The following CHRM2 variants were observed in gnomAD, a reference collection of about 807,000 sequenced individuals.
The protein encoded by CHRM2 is cholinergic receptor muscarinic 2, also known as muscarinic acetylcholine receptor M2.
In CHRM2, 8 loss-of-function variants were observed where a neutral mutation model predicts 25.0. The observed-to-expected ratio is 0.32, with a 90% CI of 0.19 to 0.58. The LOEUF is 0.58. CHRM2 is among the 20% of genes least tolerant of loss of function. The probability of loss-of-function intolerance (pLI) is 0.88; values close to 1 mark genes in which losing one functional copy is unlikely to be tolerated. For missense variants in CHRM2, 440 were observed against 567.1 expected (o/e 0.78, Z 2.28); for synonymous variants, 202 against 205.7 (o/e 0.98, Z 0.15).
chr7:137,010,565 T>C, intron 3 of CHRM2, among the ~76,000 whole-genome samples: 1 of 152,052 alleles, frequency 6.6e-6, no homozygotes. Context: ...AACTGCTTTC[T>C]TCAGCGGAAG....
rs140605746 is a variant in CHRM2, at chr7:136,872,794, C to T, written c.-125+3376C>T. On this transcript the variant is annotated intron_variant, in intron 2 of 3. Transcript: ENST00000680005. ...AATTAGAACAAAAGGGAAATGAAGA[C>T]GGAATGGGAGAGAGAAAAATGAGGA... Among the ~76,000 whole-genome samples, 251 of 152,172 alleles carry T rather than the reference C, an allele frequency of 1.6e-3. 1 individual carries two copies. The highest frequency in any genetic ancestry group is 5.4e-3 in the South Asian group (26 of 4,806).
intron 3 of CHRM2, among the ~76,000 whole-genome samples, chr7:136,992,788 A>G (rs1283902481): frequency 1.3e-5 from 2 of 152,150 alleles, no homozygotes; most frequent in Admixed American, 6.6e-5. Context: ...GAATCATGAA[A>G]CTATGAGAAC....
intron 2 of CHRM2, among the ~76,000 whole-genome samples, chr7:136,927,767 T>C (rs1416557963): frequency 6.6e-6 from 1 of 152,176 alleles, no homozygotes; most frequent in Admixed American, 6.5e-5. Context: ...TATACCTTCA[T>C]TATTTTCATC....
intron 3 of CHRM2, among the ~76,000 whole-genome samples, chr7:136,993,102 G>T (rs1281072332): frequency 6.6e-6 from 1 of 152,180 alleles, no homozygotes; most frequent in African/African-American, 2.4e-5. Flanking sequence ...AAGTCATACA[G>T]TCATGATAGA....
chr7:136,970,390 C>T (rs757721435), intron 2 of CHRM2, among the ~76,000 whole-genome samples: 17 of 152,098 alleles, frequency 1.1e-4, no homozygotes, highest in African/African-American at 3.4e-4. Flanking sequence ...AAGATATACC[C>T]GTCCAATTTA....
intron 2 of CHRM2, among the ~76,000 whole-genome samples, chr7:136,923,855 T>C (rs1798587678): frequency 6.6e-6 from 1 of 152,092 alleles, no homozygotes; most frequent in South Asian, 2.1e-4. Flanking sequence ...ACAAAATTTT[T>C]ATTTTAATTA....
chr7:136,881,085 G>A (rs559047950), intron 2 of CHRM2, among the ~76,000 whole-genome samples: 6 of 149,364 alleles, frequency 4.0e-5, no homozygotes, highest in East Asian at 2.0e-4. Context: ...AGCGTCATAC[G>A]AAGTATTTCC....
chr7:136,976,792 C>T (rs1802132856), intron 2 of CHRM2, among the ~76,000 whole-genome samples: 1 of 152,164 alleles, frequency 6.6e-6, no homozygotes, highest in Non-Finnish European at 1.5e-5. Context: ...GAAACTCTTA[C>T]TCCCTGCTGC....
intron 2 of CHRM2, among the ~76,000 whole-genome samples, chr7:136,924,128 C>T (rs530898669): frequency 3.7e-4 from 56 of 151,834 alleles, no homozygotes; most frequent in Non-Finnish European, 8.2e-4. Flanking sequence ...TCTGTTCACC[C>T]AAATACATAT....
At position 137,019,006 on chromosome 7, in the gene CHRM2, T is replaced by C. The variant is rs1805311645; in HGVS notation, c.*2740T>C. 6.6e-6 allele frequency: 1 copy of C among 151,916 alleles called. No individual in the cohort carries two copies. Among genetic ancestry groups the C allele is most frequent in the South Asian group, 2.1e-4 (1 of 4,834 alleles). The allele number at this position is 151,916 out of a possible 1,614,324, so 9.4% of individuals were successfully genotyped here. ...CACACTGGGAGGAATGCTATTGGTATCTAGTGCATAGAGGCTGGGAATGCT... is the reference window on the plus strand; with the variant it reads ...CACACTGGGAGGAATGCTATTGGTACCTAGTGCATAGAGGCTGGGAATGCT... On this transcript the variant is annotated 3_prime_UTR_variant, in exon 4 of 4. Transcript: ENST00000680005.
At chr7:136,915,318 G>A (rs763116081) in intron 2 of CHRM2, among the ~76,000 whole-genome samples, 1 of 151,672 alleles carries the variant, frequency 6.6e-6, no homozygotes, top group Non-Finnish European at 1.5e-5. Flanking sequence ...ATTAATTAAG[G>A]CTGTGCATGC....
intron 2 of CHRM2, among the ~76,000 whole-genome samples, chr7:136,949,459 T>TAAAA (rs386411435): frequency 0.037 from 4,485 of 120,760 alleles, 173 homozygotes; most frequent in Non-Finnish European, 0.052. Flanking sequence ...TCTGCAAAAC[T>TAAAA]AAAAAAAAAA....
intron 2 of CHRM2, chr7:136,914,195 A>T (rs1315995283): frequency 6.6e-6 from 1 of 151,692 alleles, no homozygotes; most frequent in African/African-American, 2.4e-5. Flanking sequence ...AGTCTGTGCA[A>T]TTTTTCTCAA....
At chr7:136,984,286 C>A (rs1802690462) in intron 2 of CHRM2, among the ~76,000 whole-genome samples, 1 of 152,140 alleles carries the variant, frequency 6.6e-6, no homozygotes, top group Admixed American at 6.5e-5. Flanking sequence ...GGATGCCCCT[C>A]CCCCCACCAA....
At chr7:136,989,158 T>C (rs1584884954) in intron 2 of CHRM2, among the ~76,000 whole-genome samples, 1 of 152,228 alleles carries the variant, frequency 6.6e-6, no homozygotes, top group African/African-American at 2.4e-5. Context: ...CACAATGATA[T>C]ATTGATCCAT....
At chr7:136,989,095 C>T (rs527776496) in intron 2 of CHRM2, among the ~76,000 whole-genome samples, 1 of 152,074 alleles carries the variant, frequency 6.6e-6, no homozygotes, top group East Asian at 1.9e-4. Flanking sequence ...TCAAAAGTGA[C>T]AGAACCAGGG....
rs563314621 is a variant in CHRM2 at position 137,007,801 on chromosome 7, C to A, written c.-46-7019C>A. Among the ~76,000 whole-genome samples, 337 of 152,158 alleles carry A rather than the reference C, an allele frequency of 2.2e-3. 2 individuals are homozygous for A. The highest frequency in any genetic ancestry group is 0.016 in the South Asian group (79 of 4,824). The stretch of plus-strand genomic sequence containing the variant: ...ATGCTATCACCATCTGCATCAATAT[C>A]AAAACTGTGTACAATTGAACCTTTC... On this transcript the variant is annotated intron_variant, in intron 3 of 3. Coordinates refer to ENST00000680005, the MANE Select transcript of CHRM2 (RefSeq NM_001006630.2).
chr7:136,905,043 T>C (rs569014603), intron 2 of CHRM2, among the ~76,000 whole-genome samples: 22 of 152,080 alleles, frequency 1.4e-4, no homozygotes, highest in African/African-American at 5.3e-4. Flanking sequence ...CAAATATTAA[T>C]ATTGGTTGAA....
chr7:137,013,677 A>C (rs1053793133), intron 3 of CHRM2, among the ~76,000 whole-genome samples: 1 of 152,016 alleles, frequency 6.6e-6, no homozygotes, highest in Non-Finnish European at 1.5e-5. Context: ...GACTTCAATG[A>C]TATTATCTCA....
Sources: gnomAD v4.1 joint callset for allele counts (sites outside exome capture counted in the v4.1 genomes callset) on GRCh38, gnomAD v4.1.1 for gene constraint, MANE v1.5 for transcripts, NCBI Gene and HGNC (gene_info 2026-07-23, HGNC 2026-07-21) for gene names.